Variants in ADSS2 observed in about 807,000 individuals in gnomAD.
ADSS2 encodes the protein adenylosuccinate synthase 2.
A neutral mutation model predicts 60.0 loss-of-function variants in ADSS2; 30 were observed. The observed-to-expected ratio is 0.50, with a 90% CI of 0.37 to 0.68. The LOEUF is 0.68. Ranked by LOEUF, ADSS2 falls within the 30% of genes least tolerant of loss-of-function variation. The pLI, the probability that ADSS2 is intolerant of heterozygous loss-of-function variation, is 0.00. For synonymous variants in ADSS2, 187 were observed against 193.1 expected, an observed-to-expected ratio of 0.97 and a Z score of 0.26; for missense variants, 373 against 554.8, an observed-to-expected ratio of 0.67 and a Z score of 3.29.
chr1:244,432,630 T>C (rs1664972214), intron 3 of ADSS2, 35 bp from the exon 4 acceptor site: 4 of 1,356,002 alleles, frequency 2.9e-6, no homozygotes, highest in Admixed American at 4.4e-5. Flanking sequence ...TAATTGAATA[T>C]TTTGTATAGC....
At chr1:244,422,952 T>C (rs1310451111) in intron 6 of ADSS2, 36 bp from the exon 7 acceptor site, 2 of 1,312,950 alleles carry the variant, frequency 1.5e-6, no homozygotes, top group African/African-American at 1.5e-5. Flanking sequence ...ATTACCACTC[T>C]GTGAAAAATA....
At chr1:244,443,782 G>A (rs866234105) in intron 1 of ADSS2, among the ~76,000 whole-genome samples, 4 of 152,262 alleles carry the variant, frequency 2.6e-5, no homozygotes, top group South Asian at 2.1e-4. Context: ...GCCTAGGCAC[G>A]GAAAGGTTTA....
intron 11 of ADSS2, 145 bp downstream of exon 11, chr1:244,415,836 A>C: frequency 1.6e-6 from 1 of 611,122 alleles, no homozygotes; most frequent in East Asian, 2.9e-5. Context: ...CAAATAACTA[A>C]TAATAAGTGA....
chr1:244,424,567 A>C (rs1006131171), intron 4 of ADSS2, 180 bp from the exon 5 acceptor site: 1 of 513,804 alleles, frequency 1.9e-6, no homozygotes, highest in Non-Finnish European at 3.5e-6. Context: ...TAATATGAAA[A>C]TGTCTGATCT....
intron 9 of ADSS2, 108 bp downstream of exon 9, chr1:244,418,652 A>G: frequency 2.6e-6 from 3 of 1,176,172 alleles, no homozygotes; most frequent in Non-Finnish European, 3.5e-6. Context: ...TGTTGTTCTG[A>G]CCAATCTTGC....
At chr1:244,439,675 GC>G (rs1204693744) in intron 1 of ADSS2, among the ~76,000 whole-genome samples, 2 of 152,142 alleles carry the variant, frequency 1.3e-5, no homozygotes, top group Non-Finnish European at 2.9e-5. Context: ...TAGGTCACAT[GC>G]CCCCCAAGTC....
Position 244,419,465 on chromosome 1 carries a change from T to C in ADSS2, c.791-551A>G, listed in dbSNP as rs1204981837. ...ATATTTAACTATTCACTCTACCAAG[T>C]AGACACTCTGTTTTCTTTCCAGACT... On this transcript the variant is annotated intron_variant, in intron 8 of 12. Transcript: ENST00000366535. Among the ~76,000 whole-genome samples, 3 of 152,216 alleles carry C rather than the reference T, an allele frequency of 2.0e-5. No individual in the cohort carries two copies. The South Asian group carries it at 6.2e-4, about 31-fold the overall frequency.
intron 9 of ADSS2, 35 bp from the exon 10 acceptor site, chr1:244,417,787 T>C (rs1451657159): frequency 3.8e-6 from 6 of 1,596,670 alleles, no homozygotes; most frequent in Admixed American, 1.7e-5. Flanking sequence ...AGGATTAGAA[T>C]AGCAGTGCTA....
At chr1:244,432,375 T>TA (rs1664965166) in intron 4 of ADSS2, among the ~76,000 whole-genome samples, 170 bp downstream of exon 4, 1 of 152,144 alleles carries the variant, frequency 6.6e-6, no homozygotes, top group African/African-American at 2.4e-5. Context: ...CCTAGACTGT[T>TA]AAAAAAGAAA....
At chr1:244,443,055 T>A (rs1665287706) in intron 1 of ADSS2, among the ~76,000 whole-genome samples, 1 of 152,170 alleles carries the variant, frequency 6.6e-6, no homozygotes, top group African/African-American at 2.4e-5. Context: ...GTGTAATATG[T>A]GCCAGGATGA....
intron 8 of ADSS2, chr1:244,419,136 C>T (rs1318158752): frequency 2.4e-6 from 1 of 414,356 alleles, no homozygotes; most frequent in African/African-American, 2.1e-5. Flanking sequence ...TACAGAGAGG[C>T]TCCTTGAATG....
At chr1:244,411,753 T>G (rs1401007806) in intron 11 of ADSS2, among the ~76,000 whole-genome samples, 1 of 152,190 alleles carries the variant, frequency 6.6e-6, no homozygotes, top group Non-Finnish European at 1.5e-5. Flanking sequence ...ACTTTCCAGT[T>G]TTAAAGCTTA....
chr1:244,409,733 T>G, intron 12 of ADSS2, 95 bp from the exon 13 acceptor site: 1 of 943,808 alleles, frequency 1.1e-6, no homozygotes, highest in African/African-American at 1.6e-5. Context: ...TTTCTCAGTA[T>G]CACCATAACT....
chr1:244,425,162 G>A (rs1285148938), intron 4 of ADSS2, among the ~76,000 whole-genome samples: 1 of 152,104 alleles, frequency 6.6e-6, no homozygotes, highest in Admixed American at 6.6e-5. Context: ...TTGATTTCCG[G>A]TGCAAACATG....
chr1:244,452,006 G>T, upstream of ADSS2: 3 of 555,050 alleles, frequency 5.4e-6, no homozygotes, highest in Non-Finnish European at 8.9e-6. Context: ...CGCTCAAGGG[G>T]GTACCATGAC....
chr1:244,422,758 G>T, intron 7 of ADSS2, 77 bp downstream of exon 7: 1 of 1,089,062 alleles, frequency 9.2e-7, no homozygotes, highest in Non-Finnish European at 1.4e-6. Flanking sequence ...CCCAAAGCCT[G>T]CATGAATGAA....
intron 6 of ADSS2, among the ~76,000 whole-genome samples, 165 bp from the exon 7 acceptor site, chr1:244,423,081 C>T (rs1664711801): frequency 6.6e-6 from 1 of 152,110 alleles, no homozygotes; most frequent in African/African-American, 2.4e-5. Flanking sequence ...AGGAGATCAG[C>T]CATATGAATA....
intron 3 of ADSS2, among the ~76,000 whole-genome samples, chr1:244,434,402 T>C (rs1305206451): frequency 6.6e-6 from 1 of 151,846 alleles, no homozygotes; most frequent in East Asian, 1.9e-4. Flanking sequence ...AAATCGATGT[T>C]TTTCTTTAAA....
intron 1 of ADSS2, among the ~76,000 whole-genome samples, chr1:244,439,924 C>T (rs962163689): frequency 6.6e-6 from 1 of 152,178 alleles, no homozygotes; most frequent in Non-Finnish European, 1.5e-5. Context: ...TCTACTGTGA[C>T]AAGGGCAGCA....
Sources: gnomAD v4.1 joint callset for allele counts (sites outside exome capture counted in the v4.1 genomes callset) on GRCh38, gnomAD v4.1.1 for gene constraint, MANE v1.5 for transcripts, NCBI Gene and HGNC (gene_info 2026-07-23, HGNC 2026-07-21) for gene names.